The following CEP112 variants were observed in gnomAD, a reference collection of about 807,000 sequenced individuals.
CEP112 encodes centrosomal protein 112, also known as centrosomal protein of 112 kDa.
A neutral mutation model predicts 153.0 loss-of-function variants in CEP112; 127 were observed. The observed-to-expected ratio is 0.83, with a 90% CI of 0.72 to 0.96. The LOEUF (loss-of-function observed/expected upper bound fraction) is 0.96, where lower values mean the gene tolerates loss of function less well. Among genes scored for constraint, CEP112 ranks in the 40% least tolerant of loss-of-function variants. The probability of loss-of-function intolerance (pLI) is 0.00; values close to 1 mark genes in which losing one functional copy is unlikely to be tolerated. For missense variants in CEP112, 1,089 were observed against 1,101.2 expected (o/e 0.99, Z 0.16); for synonymous variants, 358 against 374.4 (o/e 0.96, Z 0.51).
intron 19 of CEP112, among the ~76,000 whole-genome samples, chr17:65,902,909 C>T (rs765389044): frequency 6.6e-6 from 1 of 152,126 alleles, no homozygotes; most frequent in East Asian, 1.9e-4. Flanking sequence ...TGCAAGCTTG[C>T]GCCATGATTT....
chr17:66,127,803 T>C (rs2069921428), intron 6 of CEP112, among the ~76,000 whole-genome samples: 1 of 152,174 alleles, frequency 6.6e-6, no homozygotes, highest in Non-Finnish European at 1.5e-5. Flanking sequence ...CTATTTAAAT[T>C]AAAACCTTTA....
rs371849644 is a variant in CEP112 at position 66,068,838 on chromosome 17, T to C, written c.855+1077A>G. Among the ~76,000 whole-genome samples, 9 of 152,208 alleles carry C rather than the reference T, an allele frequency of 5.9e-5. No individual in the cohort carries two copies. In the East Asian group the frequency reaches 1.5e-3, roughly 26 times the overall value. ...ATCTTATACATCAATAGACTCTATT[T>C]CAATTGTACATGTTATATTGAAATT... On this transcript the variant is annotated intron_variant, in intron 9 of 26. Transcript: ENST00000535342.
intron 21 of CEP112, among the ~76,000 whole-genome samples, chr17:65,818,258 G>C (rs2056370404): frequency 6.6e-6 from 1 of 151,726 alleles, no homozygotes; most frequent in Non-Finnish European, 1.5e-5. Flanking sequence ...CTTTCCTCAG[G>C]TAGGCAGCCC....
chr17:65,860,014 CAAA>C (rs1186022956), intron 20 of CEP112, among the ~76,000 whole-genome samples: 1 of 50,422 alleles, frequency 2.0e-5, no homozygotes. Flanking sequence ...GACTCCATCT[CAAA>C]AAAAAAAAAA....
At chr17:65,931,766 T>C (rs1010502271) in intron 18 of CEP112, among the ~76,000 whole-genome samples, 3 of 152,220 alleles carry the variant, frequency 2.0e-5, no homozygotes, top group African/African-American at 4.8e-5. Context: ...CCCAGATCCC[T>C]GCATATCTGC....
At chr17:65,907,826 C>G (rs949382760) in intron 19 of CEP112, among the ~76,000 whole-genome samples, 1 of 152,202 alleles carries the variant, frequency 6.6e-6, no homozygotes, top group Non-Finnish European at 1.5e-5. Flanking sequence ...TTGTCCTTTA[C>G]TTGTGGACAC....
At chr17:66,129,278 C>T (rs1338503110) in intron 6 of CEP112, among the ~76,000 whole-genome samples, 2 of 152,138 alleles carry the variant, frequency 1.3e-5, no homozygotes, top group African/African-American at 2.4e-5. Flanking sequence ...TTTCTGCCTC[C>T]AATTCCCACC....
chr17:65,676,260 G>A (rs764109424), intron 24 of CEP112, among the ~76,000 whole-genome samples: 24 of 151,702 alleles, frequency 1.6e-4, no homozygotes, highest in East Asian at 9.7e-4. Context: ...CCCAGGAGGC[G>A]GAGGTTTCAG....
chr17:65,815,879 T>G (rs2056237378), intron 21 of CEP112, among the ~76,000 whole-genome samples: 1 of 152,108 alleles, frequency 6.6e-6, no homozygotes, highest in Non-Finnish European at 1.5e-5. Flanking sequence ...TCTTGTAGTT[T>G]TGTATTTTTG....
chr17:65,819,096 T>A (rs1334327176), intron 21 of CEP112, among the ~76,000 whole-genome samples: 1 of 151,934 alleles, frequency 6.6e-6, no homozygotes, highest in Non-Finnish European at 1.5e-5. Flanking sequence ...TTGCACTGAA[T>A]CTTGTTTTAA....
At chr17:66,040,680 A>T (rs1024601242) in intron 12 of CEP112, among the ~76,000 whole-genome samples, 1 of 125,252 alleles carries the variant, frequency 8.0e-6, no homozygotes, top group Non-Finnish European at 1.8e-5. Flanking sequence ...TAATAGATAC[A>T]GGGTTTTGCC....
chr17:65,902,264 T>A lies in CEP112; in HGVS notation c.2051A>T (p.Asp684Val). ...HLLQQHNAEK[D>V]SLVRDHEREI... ...CCGTTCATGGTCTCGGACTAGGCTATCCTTCTCTGCGTTATGCTGCTGTAA... is the reference window on the plus strand; with the variant it reads ...CCGTTCATGGTCTCGGACTAGGCTAACCTTCTCTGCGTTATGCTGCTGTAA... Residue 684 changes from aspartate to valine, a missense_variant, in exon 20 of 27, where the codon GAT becomes GTT. Physicochemically the swap from Asp to Val is radical, Grantham distance 152. Coordinates refer to ENST00000535342, the MANE Select transcript of CEP112 (RefSeq NM_001199165.4). 6.2e-7 allele frequency: 1 copy of A among 1,614,068 alleles called. No homozygotes were observed. The highest frequency in any genetic ancestry group is 8.5e-7 in the Non-Finnish European group (1 of 1,179,992).
chr17:65,961,566 T>G lies in CEP112; in HGVS notation c.1769A>C (p.Glu590Ala). Residue 590 changes from glutamate to alanine, a missense_variant, in exon 18 of 27, where the codon GAA (glutamate) becomes GCA (alanine). Glu to Ala is a moderately radical substitution (Grantham distance 107). Coordinates refer to ENST00000535342, the MANE Select transcript of CEP112 (RefSeq NM_001199165.4). ...EKEEQLTRVTEVQRLQAQQAD... is the reference protein window; with the variant it reads ...EKEEQLTRVTAVQRLQAQQAD... ...CTGCTGGGCCTGCAACCTCTGAACT[T>G]CAGTCACACGAGTTAGCTGCTCCTC... is the stretch of plus-strand genomic sequence containing the variant. 6.2e-7 allele frequency: 1 copy of G among 1,613,034 alleles called. No homozygotes were observed. The highest frequency in any genetic ancestry group is 8.5e-7 in the Non-Finnish European group (1 of 1,179,156).
chr17:66,150,913 T>C (rs558834919), intron 4 of CEP112, among the ~76,000 whole-genome samples: 1 of 152,370 alleles, frequency 6.6e-6, no homozygotes, highest in South Asian at 2.1e-4. Flanking sequence ...ATCATGCTTA[T>C]GAATAGACTC....
chr17:65,744,314 T>C (rs951103721), intron 22 of CEP112, among the ~76,000 whole-genome samples: 2 of 151,922 alleles, frequency 1.3e-5, no homozygotes, highest in Non-Finnish European at 2.9e-5. Context: ...AGTGCAGTGG[T>C]GCAATCTCGG....
At chr17:66,029,801 GATAACTGATACAGTTA>G in intron 13 of CEP112, 52 bp downstream of exon 13, 2 of 1,331,046 alleles carry the variant, frequency 1.5e-6, no homozygotes, top group Non-Finnish European at 2.0e-6. Context: ...AATTTTGGCA[GATAACTGATACAGTTA>G]ATATCAGTAC....
intron 24 of CEP112, among the ~76,000 whole-genome samples, chr17:65,663,352 G>A (rs894083150): frequency 6.6e-6 from 1 of 152,144 alleles, no homozygotes; most frequent in Non-Finnish European, 1.5e-5. Context: ...TGTCCCTTAT[G>A]GCAAAGTAGA....
chr17:66,063,103 T>C (rs779981403), intron 10 of CEP112, 22 bp from the exon 11 acceptor site: 1 of 1,233,238 alleles, frequency 8.1e-7, no homozygotes. Context: ...TTTGAAAACA[T>C]AGTTAAACCA....
intron 23 of CEP112, among the ~76,000 whole-genome samples, chr17:65,724,338 A>G (rs746779846): frequency 6.6e-6 from 1 of 152,166 alleles, no homozygotes; most frequent in African/African-American, 2.4e-5. Flanking sequence ...TAATTTATTG[A>G]TTTTGGTTCA....
Sources: allele counts gnomAD v4.1 joint callset (sites outside exome capture counted in the v4.1 genomes callset), GRCh38; gene constraint gnomAD v4.1.1; transcripts MANE v1.5; gene names NCBI Gene and HGNC (gene_info 2026-07-23, HGNC 2026-07-21).